The following TLL1 variants were observed in gnomAD, a reference collection of about 807,000 sequenced individuals.
TLL1 encodes the protein tolloid-like protein 1.
A neutral mutation model predicts 128.2 loss-of-function variants in TLL1; 49 were observed. That is an observed-to-expected ratio of 0.38 (90% confidence interval 0.30 to 0.48). The LOEUF is 0.48. Among genes scored for constraint, TLL1 ranks in the 20% least tolerant of loss-of-function variants. The pLI, the probability that TLL1 is intolerant of heterozygous loss-of-function variation, is 0.96. For missense variants in TLL1, 1,123 were observed against 1,242.0 expected, an observed-to-expected ratio of 0.90 and a Z score of 1.44; for synonymous variants, 454 against 418.8, an observed-to-expected ratio of 1.08 and a Z score of -1.03.
Position 165,992,865 on chromosome 4 carries a change from G to T in TLL1, c.342G>T (p.Arg114Ser). ...GGGCCCTCTACCAACTTATAGACAG[G>T]ATAAGAAGAATTGGCTTTGGTATAT... ...KRGALYQLID[R>S]IRRIGFGLEQ... The change falls in exon 3 of 21, where the codon AGG becomes AGT. Residue 114 changes from arginine (R) to serine (S), a missense_variant. Arg to Ser is a moderately radical substitution (Grantham distance 110). Transcript: ENST00000061240. The T allele has an allele frequency of 6.2e-7, 1 of 1,613,222 alleles. No homozygotes were observed.
intron 15 of TLL1, among the ~76,000 whole-genome samples, chr4:166,061,844 G>A (rs187544559): frequency 6.6e-6 from 1 of 152,168 alleles, no homozygotes; most frequent in East Asian, 1.9e-4. Flanking sequence ...GGTTTTTGTG[G>A]TTTTAGTTCT....
At chr4:165,922,110 C>G (rs1445762203) in intron 1 of TLL1, among the ~76,000 whole-genome samples, 1 of 152,114 alleles carries the variant, frequency 6.6e-6, no homozygotes, top group Non-Finnish European at 1.5e-5. Context: ...CTCTGGAACC[C>G]AGGGAATCAG....
At chr4:165,978,798 A>G (rs1260813251) in intron 1 of TLL1, among the ~76,000 whole-genome samples, 1 of 152,158 alleles carries the variant, frequency 6.6e-6, no homozygotes, top group Non-Finnish European at 1.5e-5. Flanking sequence ...CTTTCCAATG[A>G]GTATCTTGTC....
chr4:165,958,016 C>T (rs562164454), intron 1 of TLL1, among the ~76,000 whole-genome samples: 2 of 151,246 alleles, frequency 1.3e-5, no homozygotes, highest in East Asian at 2.0e-4. Context: ...CAATTTCATC[C>T]ATGTCCCTAC....
At chr4:166,000,650 T>G (rs1737106120) in intron 5 of TLL1, among the ~76,000 whole-genome samples, 1 of 152,210 alleles carries the variant, frequency 6.6e-6, no homozygotes, top group Non-Finnish European at 1.5e-5. Context: ...ATCAGATGCT[T>G]CAGTTTCCTT....
chr4:166,103,693 G>A lies in TLL1; in HGVS notation c.*2817G>A. ...GCCTTAAGTGTGTTGTTAAATGAAAGTACAGACAGCTTCATTGTTGTATTG... is the reference window on the plus strand; with the variant it reads ...GCCTTAAGTGTGTTGTTAAATGAAAATACAGACAGCTTCATTGTTGTATTG... On this transcript the variant is annotated 3_prime_UTR_variant, in exon 21 of 21. Coordinates refer to ENST00000061240, the MANE Select transcript of TLL1 (RefSeq NM_012464.5). The A allele has an allele frequency of 6.6e-6, 1 of 151,698 alleles. No homozygotes were observed. Among genetic ancestry groups the A allele is most frequent in the Non-Finnish European group, 1.5e-5 (1 of 67,830 alleles). 9.4% of individuals were successfully genotyped at this position (151,698 alleles called of 1,614,324 possible).
intron 1 of TLL1, among the ~76,000 whole-genome samples, chr4:165,896,552 G>C (rs533186824): frequency 1.6e-5 from 2 of 128,470 alleles, no homozygotes; most frequent in East Asian, 5.0e-4. Context: ...GCATGATCTT[G>C]TCTCACTGCA....
At chr4:166,062,458 G>A (rs1276090467) in intron 15 of TLL1, among the ~76,000 whole-genome samples, 5 of 152,184 alleles carry the variant, frequency 3.3e-5, no homozygotes, top group Non-Finnish European at 7.4e-5. Context: ...GTATTCCAAG[G>A]TATTTAATTC....
intron 9 of TLL1, among the ~76,000 whole-genome samples, chr4:166,029,411 G>A (rs1307037633): frequency 6.6e-6 from 1 of 151,882 alleles, no homozygotes; most frequent in African/African-American, 2.4e-5. Context: ...AAGCAAATGA[G>A]ACACTATTGT....
rs77112981 is a variant in TLL1, at chr4:165,911,836, G to A, written c.169+37763G>A. Among the ~76,000 whole-genome samples the A allele has an allele frequency of 4.2e-3, 631 of 151,942 alleles. 2 individuals carry two copies. The highest frequency in any genetic ancestry group is 0.015 in the African/African-American group (605 of 41,430). ...CTGTTTAATGTGACAGTATTTCTTC[G>A]TGCTACAGGAAAAATTAAGTCAATG... On this transcript the variant is annotated intron_variant, in intron 1 of 20. Coordinates refer to ENST00000061240, the MANE Select transcript of TLL1 (RefSeq NM_012464.5).
At chr4:166,048,927 A>C (rs1420448383) in intron 12 of TLL1, among the ~76,000 whole-genome samples, 4 of 152,314 alleles carry the variant, frequency 2.6e-5, no homozygotes, top group Middle Eastern at 6.8e-3. Context: ...ATAAGTTTTT[A>C]TCTTGGTACT....
intron 18 of TLL1, among the ~76,000 whole-genome samples, chr4:166,080,937 A>T (rs1279606161): frequency 6.6e-6 from 1 of 151,700 alleles, no homozygotes; most frequent in Non-Finnish European, 1.5e-5. Context: ...GTTGCTTGTT[A>T]CTTGGTGCTT....
Position 166,039,453 on chromosome 4 carries a change from T to C in TLL1, c.1261+12T>C, listed in dbSNP as rs776803191. 1 of 1,594,028 alleles carries C rather than the reference T, an allele frequency of 6.3e-7. No homozygotes were observed. Among genetic ancestry groups the C allele is most frequent in the Admixed American group, 1.7e-5 (1 of 59,958 alleles). On this transcript the variant is annotated intron_variant, in intron 10 of 20. Transcript: ENST00000061240. ...ATCACCTCTCCTTGGTAAGATATCC[T>C]TTCCCTTTTATGTGGCTATGTATCT...
At chr4:165,935,446 C>T (rs1393042823) in intron 1 of TLL1, among the ~76,000 whole-genome samples, 1 of 152,112 alleles carries the variant, frequency 6.6e-6, no homozygotes, top group Non-Finnish European at 1.5e-5. Flanking sequence ...CTATGCTTAA[C>T]CTTTTTAGAC....
intron 1 of TLL1, among the ~76,000 whole-genome samples, chr4:165,924,904 G>T (rs2110894706): frequency 6.6e-6 from 1 of 152,256 alleles, no homozygotes; most frequent in East Asian, 1.9e-4. Context: ...AATCTACTCT[G>T]CCTGTGTTCT....
intron 1 of TLL1, among the ~76,000 whole-genome samples, chr4:165,943,117 C>T (rs1402063989): frequency 6.6e-6 from 1 of 151,968 alleles, no homozygotes; most frequent in African/African-American, 2.4e-5. Flanking sequence ...CTCCATTATT[C>T]ATTTCCTTTA....
At chr4:166,053,192 C>G (rs753688466) in intron 12 of TLL1, 6 of 151,768 alleles carry the variant, frequency 4.0e-5, no homozygotes, top group Non-Finnish European at 8.8e-5. Context: ...CTCCCCCACC[C>G]AATTTCTCAT....
chr4:165,910,705 A>G (rs982263310), intron 1 of TLL1, among the ~76,000 whole-genome samples: 9 of 152,318 alleles, frequency 5.9e-5, no homozygotes, highest in African/African-American at 2.2e-4. Context: ...CACCAGTACT[A>G]AGTAATTTAA....
intron 11 of TLL1, among the ~76,000 whole-genome samples, chr4:166,042,964 A>G (rs1322249237): frequency 1.3e-5 from 2 of 152,232 alleles, no homozygotes; most frequent in African/African-American, 4.8e-5. Flanking sequence ...AGAGAATCAC[A>G]GAACAAACTC....
Sources: allele counts gnomAD v4.1 joint callset (sites outside exome capture counted in the v4.1 genomes callset), GRCh38; gene constraint gnomAD v4.1.1; transcripts MANE v1.5; gene names NCBI Gene and HGNC (gene_info 2026-07-23, HGNC 2026-07-21).